Variants in XYLB observed in about 807,000 individuals in gnomAD.
XYLB encodes the protein xylulose kinase.
Under a neutral mutation model 78.7 loss-of-function variants are expected in XYLB, and 62 were observed. The observed-to-expected ratio is 0.79, with a 90% CI of 0.64 to 0.97. The LOEUF (loss-of-function observed/expected upper bound fraction) is 0.97. Ranked by LOEUF, XYLB falls within the 50% of genes least tolerant of loss-of-function variation. The pLI, the probability that XYLB is intolerant of heterozygous loss-of-function variation, is 0.00. For missense variants in XYLB, 687 were observed against 676.8 expected, an observed-to-expected ratio of 1.02 and a Z score of -0.17; for synonymous variants, 245 against 247.4, an observed-to-expected ratio of 0.99 and a Z score of 0.09.
intron 4 of XYLB, among the ~76,000 whole-genome samples, chr3:38,364,754 T>G (rs900156995): frequency 6.6e-6 from 1 of 152,094 alleles, no homozygotes; most frequent in Admixed American, 6.5e-5. Flanking sequence ...TCCTTTTCCC[T>G]GACTCAACTC....
intron 18 of XYLB, among the ~76,000 whole-genome samples, chr3:38,402,294 C>T (rs1708152668): frequency 6.6e-6 from 1 of 152,160 alleles, no homozygotes; most frequent in Admixed American, 6.5e-5. Flanking sequence ...AGTGTCTCTG[C>T]CCTGGAGAGA....
In XYLB at chr3:38,362,992, T is replaced by G; in HGVS notation, c.266T>G (p.Val89Gly). Residue 89 changes from valine to glycine, a missense_variant, in exon 4 of 19, where the codon GTC (valine) becomes GGC (glycine). Transcript: ENST00000207870. ...GCTTCGGGCTTCGACTTCTCTCAAG[T>G]CCTAGCCTTGTCCGGGGCGGGCCAG... ...MKASGFDFSQ[V>G]LALSGAGQQH... The G allele has an allele frequency of 6.4e-7, 1 of 1,573,846 alleles. No individual in the cohort carries two copies. The highest frequency in any genetic ancestry group is 8.6e-7 in the Non-Finnish European group (1 of 1,158,750).
chr3:38,355,592 C>A (rs1705603752), intron 2 of XYLB: 2 of 581,774 alleles, frequency 3.4e-6, no homozygotes, highest in East Asian at 5.6e-5. Context: ...CCTAGGCACT[C>A]TCCTGCCTTC....
At chr3:38,385,162 G>T (rs993859293) in intron 15 of XYLB, among the ~76,000 whole-genome samples, 1 of 151,928 alleles carries the variant, frequency 6.6e-6, no homozygotes, top group Non-Finnish European at 1.5e-5. Flanking sequence ...CATACCACCT[G>T]GCTAATTTTT....
chr3:38,423,136 G>T (rs1215638167), downstream of XYLB, among the ~76,000 whole-genome samples: 1 of 152,060 alleles, frequency 6.6e-6, no homozygotes, highest in African/African-American at 2.4e-5. Flanking sequence ...GCAGTGGTGC[G>T]ATCTTGGCTC....
chr3:38,361,246 G>C (rs1413537787), intron 3 of XYLB, among the ~76,000 whole-genome samples: 1 of 152,010 alleles, frequency 6.6e-6, no homozygotes, highest in Admixed American at 6.5e-5. Context: ...GGCCACAGGA[G>C]CAGGGATGTG....
chr3:38,346,998 C>A, intron 1 of XYLB, 73 bp downstream of exon 1: 1 of 1,315,116 alleles, frequency 7.6e-7, no homozygotes, highest in Non-Finnish European at 9.8e-7. Flanking sequence ...GGGCTGTCAC[C>A]CGGACGCGGG....
the XYLB span, among the ~76,000 whole-genome samples, chr3:38,440,068 G>A: frequency 6.6e-6 from 1 of 152,172 alleles, no homozygotes; most frequent in Non-Finnish European, 1.5e-5. Context: ...ATAAACTGGC[G>A]ATTCTGGTTC....
chr3:38,411,481 GTAAC>G (rs1172628720), intron 18 of XYLB, among the ~76,000 whole-genome samples: 1 of 151,842 alleles, frequency 6.6e-6, no homozygotes, highest in Non-Finnish European at 1.5e-5. Context: ...GTATACATAT[GTAAC>G]TAACCTGCAC....
rs149813842 is a variant in XYLB at position 38,379,503 on chromosome 3, G to A, written c.1291+161G>A. 3.8e-3 allele frequency among the ~76,000 whole-genome samples: 580 copies of A among 152,308 alleles called. 3 individuals carry two copies. Among genetic ancestry groups the A allele is most frequent in the Non-Finnish European group, 6.3e-3 (427 of 68,028 alleles). ...GACCTCAGGGATGGGGTGAGAAAGT[G>A]TCAATTGGCACTTGTAGGCAAGCAT... On this transcript the variant is annotated intron_variant, in intron 15 of 18. Transcript: ENST00000207870.
At chr3:38,447,972 T>C in the XYLB span, among the ~76,000 whole-genome samples, 1 of 151,894 alleles carries the variant, frequency 6.6e-6, no homozygotes, top group Non-Finnish European at 1.5e-5. Flanking sequence ...ATCCTAACAC[T>C]TGGAGAAACT....
At chr3:38,383,666 C>A (rs1559599538) in intron 15 of XYLB, among the ~76,000 whole-genome samples, 1 of 147,928 alleles carries the variant, frequency 6.8e-6, no homozygotes, top group Non-Finnish European at 1.5e-5. Flanking sequence ...GTCCCAGCTA[C>A]TGGGGGTGGG....
chr3:38,373,156 A>G (rs1706663093), intron 10 of XYLB, among the ~76,000 whole-genome samples: 1 of 152,104 alleles, frequency 6.6e-6, no homozygotes, highest in African/African-American at 2.4e-5. Context: ...GATCTGCAGC[A>G]ATGACTTGTT....
chr3:38,384,402 G>A (rs1269787676), intron 15 of XYLB, among the ~76,000 whole-genome samples: 2 of 152,138 alleles, frequency 1.3e-5, no homozygotes, highest in East Asian at 3.8e-4. Context: ...TCACACTAGA[G>A]CATCTTCCAT....
Position 38,370,103 on chromosome 3 carries a change from G to C in XYLB, c.694G>C (p.Ala232Pro). 1 of 1,614,190 alleles carries C rather than the reference G, an allele frequency of 6.2e-7. No individual in the cohort carries two copies. Among genetic ancestry groups the C allele is most frequent in the Non-Finnish European group, 8.5e-7 (1 of 1,180,032 alleles). Residue 232 changes from alanine (A) to proline (P), a missense_variant, in exon 9 of 19, where the codon GCT (alanine) becomes CCT (proline). Transcript: ENST00000207870. ...LQIQDKVWSQ[A>P]CLGACAPHLE... ...GATACAGGATAAAGTCTGGTCCCAG[G>C]CTTGCCTTGGTGCCTGTGCACCTCA...
chr3:38,408,158 A>G (rs1708412016), intron 18 of XYLB, among the ~76,000 whole-genome samples: 1 of 151,724 alleles, frequency 6.6e-6, no homozygotes, highest in Non-Finnish European at 1.5e-5. Context: ...AGCAAACGTA[A>G]AAGAACAGAA....
At chr3:38,412,830 T>A in intron 18 of XYLB, 106 bp from the exon 19 acceptor site, 1 of 972,082 alleles carries the variant, frequency 1.0e-6, no homozygotes, top group South Asian at 1.6e-5. Context: ...AGAAAAAAAG[T>A]TAAATTGCAA....
At chr3:38,377,551 G>C (rs373980236) in intron 14 of XYLB, among the ~76,000 whole-genome samples, 1 of 151,246 alleles carries the variant, frequency 6.6e-6, no homozygotes, top group African/African-American at 2.4e-5. Flanking sequence ...GGGTTCAAAC[G>C]ATCCTCCTGC....
At chr3:38,434,410 GATGAT>G in the XYLB span, among the ~76,000 whole-genome samples, 3,472 of 152,256 alleles carry the variant, frequency 0.023, 141 homozygotes, top group African/African-American at 0.079. Flanking sequence ...AAGATAATTG[GATGAT>G]ATATTCAAAG....
Sources: gnomAD v4.1 joint callset for allele counts (sites outside exome capture counted in the v4.1 genomes callset) on GRCh38, gnomAD v4.1.1 for gene constraint, MANE v1.5 for transcripts, NCBI Gene and HGNC (gene_info 2026-07-23, HGNC 2026-07-21) for gene names.